Variants in ANKRD31 observed in about 807,000 individuals in gnomAD.
ANKRD31 encodes the protein ankyrin repeat domain 31.
A neutral mutation model predicts 186.0 loss-of-function variants in ANKRD31; 147 were observed. That is an observed-to-expected ratio of 0.79 (90% confidence interval 0.69 to 0.91). The LOEUF is 0.91. Ranked by LOEUF, ANKRD31 falls within the 40% of genes least tolerant of loss-of-function variation. The probability of loss-of-function intolerance (pLI) is 0.00; values close to 1 mark genes in which losing one functional copy is unlikely to be tolerated. For synonymous variants in ANKRD31, 673 were observed against 736.4 expected, an observed-to-expected ratio of 0.91 and a Z score of 1.39; for missense variants, 1,986 against 2,148.8, an observed-to-expected ratio of 0.92 and a Z score of 1.50.
intron 17 of ANKRD31, among the ~76,000 whole-genome samples, chr5:75,130,478 GAGAGCTGATTGGTCCA>G (rs1749693891): frequency 6.6e-6 from 1 of 152,192 alleles, no homozygotes; most frequent in Non-Finnish European, 1.5e-5. Flanking sequence ...CCATTTTACA[GAGAGCTGATTGGTCCA>G]TTTTACAGAG....
chr5:75,159,608 C>T (rs533180532), intron 11 of ANKRD31, among the ~76,000 whole-genome samples: 1 of 150,698 alleles, frequency 6.6e-6, no homozygotes, highest in African/African-American at 2.4e-5. Context: ...AAAAAACTGC[C>T]AAGCAAGAAT....
intron 22 of ANKRD31, among the ~76,000 whole-genome samples, chr5:75,102,203 G>T (rs1746949299): frequency 6.6e-6 from 1 of 152,212 alleles, no homozygotes; most frequent in Admixed American, 6.5e-5. Flanking sequence ...GTCCACTCCA[G>T]ATCCTGTTTG....
chr5:75,108,018 T>C (rs1436954943), intron 20 of ANKRD31, among the ~76,000 whole-genome samples: 6 of 152,010 alleles, frequency 3.9e-5, no homozygotes, highest in African/African-American at 1.4e-4. Context: ...TTTCAAGCCA[T>C]ATAAATATTT....
Position 75,116,546 on chromosome 5 carries a change from G to A in ANKRD31, c.4155+20C>T. 3 of 1,331,900 alleles carry A rather than the reference G, an allele frequency of 2.3e-6. No individual in the cohort carries two copies. The highest frequency in any genetic ancestry group is 2.8e-5 in the Admixed American group (1 of 36,098). The allele number at this position is 1,331,900 out of a possible 1,614,324, so 82.5% of individuals were successfully genotyped here. A position where few individuals can be genotyped will look rare whatever the true frequency, so the allele number is the denominator to read the frequency against. ...GGCATTTTCTAAGATGAAGAACAAA[G>A]TAATTTTAACTTCACTCACCACAGA... On this transcript the variant is annotated intron_variant, in intron 19 of 25. Coordinates refer to ENST00000506364, the MANE Select transcript of ANKRD31 (RefSeq NM_001372053.1).
chr5:75,174,432 G>A (rs2150201057), intron 10 of ANKRD31, among the ~76,000 whole-genome samples: 1 of 151,242 alleles, frequency 6.6e-6, no homozygotes, highest in East Asian at 1.9e-4. Flanking sequence ...CCATCAGAGT[G>A]AACAGTGAAC....
intron 10 of ANKRD31, among the ~76,000 whole-genome samples, chr5:75,170,723 A>G (rs1753249807): frequency 6.6e-6 from 1 of 152,226 alleles, no homozygotes; most frequent in East Asian, 1.9e-4. Context: ...CATGCTTTAA[A>G]TATAAAGACA....
At chr5:75,184,932 A>G (rs1754594983) in intron 10 of ANKRD31, among the ~76,000 whole-genome samples, 1 of 152,202 alleles carries the variant, frequency 6.6e-6, no homozygotes, top group Non-Finnish European at 1.5e-5. Flanking sequence ...AGCACTATTC[A>G]CAATAGCCAA....
intron 4 of ANKRD31, among the ~76,000 whole-genome samples, chr5:75,210,276 C>A (rs1292579546): frequency 6.6e-6 from 1 of 152,154 alleles, no homozygotes; most frequent in Admixed American, 6.5e-5. Context: ...CAGGCTCAAG[C>A]AATTCTCATG....
At chr5:75,231,930 C>G (rs1757977698) in intron 1 of ANKRD31, among the ~76,000 whole-genome samples, 2 of 151,666 alleles carry the variant, frequency 1.3e-5, no homozygotes, top group Non-Finnish European at 2.9e-5. Flanking sequence ...CACACACACA[C>G]ACACACACAC....
chr5:75,214,825 C>T lies in ANKRD31; in HGVS notation c.289-3960G>A, dbSNP rs112992475. Among the ~76,000 whole-genome samples the T allele has an allele frequency of 3.0e-3, 457 of 152,264 alleles. 3 individuals carry two copies. The highest frequency in any genetic ancestry group is 9.8e-3 in the African/African-American group (407 of 41,542). On this transcript the variant is annotated intron_variant, in intron 3 of 25. Transcript: ENST00000506364. The stretch of plus-strand genomic sequence containing the variant: ...GTAATAATTGTACAATTCAATTAAT[C>T]TTTACTCCCTGTCAACAAGTATCTT...
chr5:75,198,439 A>C (rs151067099), intron 6 of ANKRD31, among the ~76,000 whole-genome samples: 31 of 152,298 alleles, frequency 2.0e-4, no homozygotes, highest in Admixed American at 1.0e-3. Flanking sequence ...GAGGGCTTTC[A>C]TGATTCTTTG....
Position 75,166,443 on chromosome 5 carries a change from C to G in ANKRD31, c.1707+2536G>C, listed in dbSNP as rs1752928629. Reference sequence around the variant, plus strand: ...CCGAGATCACGCCACTACACTCCAGCCTGGGTGATAGGGGGAAACTCTTGT... The same window carrying G: ...CCGAGATCACGCCACTACACTCCAGGCTGGGTGATAGGGGGAAACTCTTGT... On this transcript the variant is annotated intron_variant, in intron 11 of 25. Transcript: ENST00000506364. Among the ~76,000 whole-genome samples, 4 of 152,106 alleles carry G rather than the reference C, an allele frequency of 2.6e-5. 1 individual carries two copies. The South Asian group carries it at 8.3e-4, about 32-fold the overall frequency.
chr5:75,199,738 T>C (rs1360919091), intron 5 of ANKRD31, 64 bp from the exon 6 acceptor site: 5 of 1,311,498 alleles, frequency 3.8e-6, no homozygotes, highest in African/African-American at 3.0e-5. Flanking sequence ...ACCTTCTCAG[T>C]TGACATTTCA....
rs1489086557 is a variant in ANKRD31, at chr5:75,068,531, T to G, written c.5781A>C (p.Glu1927Asp). The G allele has an allele frequency of 6.6e-7, 1 of 1,509,326 alleles. No individual in the cohort carries two copies. The highest frequency in any genetic ancestry group is 2.2e-5 in the Admixed American group (1 of 46,212). 93.5% of individuals were successfully genotyped at this position (1,509,326 alleles called of 1,614,324 possible). The change falls in exon 26 of 26, where the codon GAA becomes GAC. Residue 1927 changes from glutamate (E) to aspartate (D), a missense_variant. Coordinates refer to ENST00000506364, the MANE Select transcript of ANKRD31 (RefSeq NM_001372053.1). ...QHWKFCVECE[E>D]LTP ...AGAAACCAAGGTTTTAGGGTGTTAG[T>G]TCCTCACATTCCACACAAAACTTCC...
chr5:75,223,230 T>C (rs1216377069), intron 2 of ANKRD31, among the ~76,000 whole-genome samples: 40 of 152,162 alleles, frequency 2.6e-4, no homozygotes, highest in Admixed American at 2.6e-3. Flanking sequence ...TTGTGGCATA[T>C]TACAATTTCT....
chr5:75,183,196 T>C (rs763233972), intron 10 of ANKRD31, among the ~76,000 whole-genome samples: 6 of 152,300 alleles, frequency 3.9e-5, no homozygotes, highest in Non-Finnish European at 5.9e-5. Context: ...AAGCATTTGA[T>C]AGAATTCAAC....
intron 22 of ANKRD31, among the ~76,000 whole-genome samples, chr5:75,100,854 T>G (rs1437606169): frequency 2.6e-5 from 4 of 152,234 alleles, no homozygotes; most frequent in Non-Finnish European, 5.9e-5. Flanking sequence ...TACAGCACAC[T>G]GATGGGTCTT....
intron 6 of ANKRD31, 70 bp downstream of exon 6, chr5:75,199,561 T>C: frequency 3.1e-6 from 4 of 1,277,300 alleles, no homozygotes; most frequent in Non-Finnish European, 4.2e-6. Context: ...CTTGATACTT[T>C]AATCGACATA....
rs1465944827 is a variant in ANKRD31, at chr5:75,146,918, T to G, written c.2493A>C (p.Gln831His). The change falls in exon 14 of 26, where the codon CAA becomes CAC. Residue 831 changes from glutamine (Q) to histidine (H), a missense_variant. Transcript: ENST00000506364. ...GCCCTGGGAAAGAAACAGCTTCAGTTTGGTCAACAGATTCTAATTCCAAGC... is the reference window on the plus strand; with the variant it reads ...GCCCTGGGAAAGAAACAGCTTCAGTGTGGTCAACAGATTCTAATTCCAAGC... ...VQCLELESVD[Q>H]TEAVSFPGLL... 6 of 1,536,398 alleles carry G rather than the reference T, an allele frequency of 3.9e-6. No homozygotes were observed. Among genetic ancestry groups the G allele is most frequent in the Non-Finnish European group, 5.2e-6 (6 of 1,146,352 alleles).
Sources: gnomAD v4.1 joint callset for allele counts (sites outside exome capture counted in the v4.1 genomes callset) on GRCh38, gnomAD v4.1.1 for gene constraint, MANE v1.5 for transcripts, NCBI Gene and HGNC (gene_info 2026-07-23, HGNC 2026-07-21) for gene names.